The following SLC14A2 variants were observed in gnomAD, a reference collection of about 807,000 sequenced individuals.
SLC14A2 encodes the protein solute carrier family 14 member 2.
Under a neutral mutation model 104.6 loss-of-function variants are expected in SLC14A2, and 91 were observed. The ratio of observed to expected loss-of-function variants is 0.87; its 90% CI spans 0.73 to 1.04. The LOEUF (loss-of-function observed/expected upper bound fraction) is 1.04, where lower values mean the gene tolerates loss of function less well. Ranked by LOEUF, SLC14A2 falls within the 50% of genes least tolerant of loss-of-function variation. The pLI, the probability that SLC14A2 is intolerant of heterozygous loss-of-function variation, is 0.00. For synonymous variants in SLC14A2, 476 were observed against 466.4 expected (o/e 1.02, Z -0.27); for missense variants, 1,189 against 1,156.0 (o/e 1.03, Z -0.41).
At chr18:45,232,025 C>G (rs2084179519) in intron 1 of SLC14A2, among the ~76,000 whole-genome samples, 1 of 149,592 alleles carries the variant, frequency 6.7e-6, no homozygotes, top group Non-Finnish European at 1.5e-5. Flanking sequence ...ACTAAGAGTC[C>G]ATTGCAATAG....
Position 45,482,178 on chromosome 18 carries a change from C to T in SLC14A2, c.-124-1055C>T, listed in dbSNP as rs115804374. 4.6e-3 allele frequency among the ~76,000 whole-genome samples: 693 copies of T among 152,266 alleles called. 6 individuals are homozygous for T. The highest frequency in any genetic ancestry group is 0.015 in the African/African-American group (641 of 41,542). ...GGAATTTATCCTTAGGAAAGAAGAA[C>T]GTGTACCAATGTTTAAGTACAATAA... is the stretch of plus-strand genomic sequence containing the variant. On this transcript the variant is annotated intron_variant, in intron 1 of 20. Transcript: ENST00000586448.
chr18:45,235,436 C>A (rs2084215234), intron 1 of SLC14A2, among the ~76,000 whole-genome samples: 1 of 152,114 alleles, frequency 6.6e-6, no homozygotes, highest in Admixed American at 6.6e-5. Flanking sequence ...TAAAAATCTT[C>A]TTTTCTAGCT....
chr18:45,226,319 G>T (rs2084116097), intron 1 of SLC14A2, among the ~76,000 whole-genome samples: 2 of 152,112 alleles, frequency 1.3e-5, no homozygotes, highest in South Asian at 4.1e-4. Context: ...CCATTACTGG[G>T]TATATACCCA....
In SLC14A2 at chr18:45,557,596, T is replaced by G. The variant is rs541496182; in HGVS notation, c.-34-67035T>G. On this transcript the variant is annotated intron_variant, in intron 2 of 20. Transcript: ENST00000586448. ...GCTGCCTCTTTCAGGGTCCCTATTC[T>G]CAGCTTCTCTGGAGTTGGATGACGG... 1.2e-3 allele frequency among the ~76,000 whole-genome samples: 180 copies of G among 152,314 alleles called. 1 individual carries two copies. The highest frequency in any genetic ancestry group is 4.1e-3 in the African/African-American group (169 of 41,574).
intron 2 of SLC14A2, among the ~76,000 whole-genome samples, chr18:45,569,529 A>C (rs1037222683): frequency 6.6e-6 from 1 of 152,212 alleles, no homozygotes; most frequent in African/African-American, 2.4e-5. Context: ...TTCATATCTC[A>C]TCCCTGGCCA....
intron 1 of SLC14A2, among the ~76,000 whole-genome samples, chr18:45,391,618 C>A (rs1309766173): frequency 6.6e-6 from 1 of 152,226 alleles, no homozygotes; most frequent in East Asian, 1.9e-4. Context: ...GATCACCATT[C>A]TAACTGGTGT....
chr18:45,361,392 A>G (rs2085609493), intron 1 of SLC14A2, among the ~76,000 whole-genome samples: 1 of 152,180 alleles, frequency 6.6e-6, no homozygotes, highest in East Asian at 1.9e-4. Context: ...GGACACATTG[A>G]CATTAATCAC....
intron 2 of SLC14A2, among the ~76,000 whole-genome samples, chr18:45,484,753 G>A (rs1308098500): frequency 6.6e-6 from 1 of 151,766 alleles, no homozygotes; most frequent in Non-Finnish European, 1.5e-5. Context: ...CTCTGCTTTA[G>A]CTTTTTGTTT....
At chr18:45,546,402 G>A (rs761204441) in intron 2 of SLC14A2, among the ~76,000 whole-genome samples, 10 of 152,318 alleles carry the variant, frequency 6.6e-5, no homozygotes, top group South Asian at 2.1e-4. Context: ...GCTGAATTCC[G>A]TGTGGAACTG....
chr18:45,464,089 T>C (rs2087095403), intron 1 of SLC14A2, among the ~76,000 whole-genome samples: 1 of 152,236 alleles, frequency 6.6e-6, no homozygotes, highest in African/African-American at 2.4e-5. Context: ...TTTGTCTTCC[T>C]GGAAGCTCAG....
At chr18:45,587,941 A>AG (rs1472521673) in intron 2 of SLC14A2, among the ~76,000 whole-genome samples, 14 of 152,168 alleles carry the variant, frequency 9.2e-5, no homozygotes, top group African/African-American at 3.1e-4. Context: ...TTTCATAACT[A>AG]GAACAAACAA....
intron 2 of SLC14A2, among the ~76,000 whole-genome samples, chr18:45,554,142 G>C (rs546494852): frequency 2.0e-5 from 3 of 152,366 alleles, no homozygotes; most frequent in African/African-American, 7.2e-5. Flanking sequence ...AGAATTTGCA[G>C]GGTATAATTA....
intron 1 of SLC14A2, among the ~76,000 whole-genome samples, chr18:45,321,233 A>T (rs902782364): frequency 6.6e-6 from 1 of 152,234 alleles, no homozygotes; most frequent in African/African-American, 2.4e-5. Context: ...TCAGCAGTTG[A>T]TACAAGATTA....
intron 1 of SLC14A2, among the ~76,000 whole-genome samples, chr18:45,413,210 A>G (rs1051548399): frequency 1.3e-5 from 2 of 152,176 alleles, no homozygotes; most frequent in African/African-American, 4.8e-5. Flanking sequence ...TGTTATCTAC[A>G]GATCTACAGA....
rs1200353527 is a variant in SLC14A2, at chr18:45,437,344, A to C, written c.-124-45889A>C. Among the ~76,000 whole-genome samples, 3 of 110,046 alleles carry C rather than the reference A, an allele frequency of 2.7e-5. No individual in the cohort carries two copies. The Admixed American group carries it at 3.5e-4, about 13-fold the overall frequency. The allele number at this position is 110,046 out of a possible 152,430, so 72.2% of individuals were successfully genotyped here. A position where few individuals can be genotyped will look rare whatever the true frequency, so the allele number is the denominator to read the frequency against. The stretch of plus-strand genomic sequence containing the variant: ...ACATCCTTGTTTCCAGATGGTGGAA[A>C]CCAGCCTCATAGAGAGAGTCATGCA... On this transcript the variant is annotated intron_variant, in intron 1 of 20. Transcript: ENST00000586448.
chr18:45,203,628 T>C, the SLC14A2 span, among the ~76,000 whole-genome samples: 20 of 152,338 alleles, frequency 1.3e-4, no homozygotes, highest in African/African-American at 4.8e-4. Context: ...CTTTTGAAGA[T>C]GGGATCCTAC....
intron 10 of SLC14A2, chr18:45,647,802 T>C (rs935840038): frequency 6.6e-6 from 1 of 152,174 alleles, no homozygotes. Context: ...TAACTTTGTA[T>C]ATCTAGTTTT....
At chr18:45,302,498 C>T (rs2084978394) in intron 1 of SLC14A2, among the ~76,000 whole-genome samples, 1 of 152,198 alleles carries the variant, frequency 6.6e-6, no homozygotes, top group African/African-American at 2.4e-5. Flanking sequence ...GATTCCTTGT[C>T]TGGGCCCTTT....
At chr18:45,458,587 T>A (rs1301754893) in intron 1 of SLC14A2, among the ~76,000 whole-genome samples, 1 of 152,206 alleles carries the variant, frequency 6.6e-6, no homozygotes, top group Non-Finnish European at 1.5e-5. Flanking sequence ...ATTTTATAAA[T>A]GCCTCTCCTG....
Sources: allele counts gnomAD v4.1 joint callset (sites outside exome capture counted in the v4.1 genomes callset), GRCh38; gene constraint gnomAD v4.1.1; transcripts MANE v1.5; gene names NCBI Gene and HGNC (gene_info 2026-07-23, HGNC 2026-07-21).